ADAMTS2: variants seen among roughly 807,000 people sequenced by gnomAD.
The protein encoded by ADAMTS2 is ADAM metallopeptidase with thrombospondin type 1 motif 2, also known as A disintegrin and metalloproteinase with thrombospondin motifs 2.
Under a neutral mutation model 123.0 loss-of-function variants are expected in ADAMTS2, and 50 were observed. The observed-to-expected ratio is 0.41, with a 90% CI of 0.32 to 0.51. ADAMTS2 has a LOEUF of 0.51. ADAMTS2 is among the 20% of genes least tolerant of loss of function. The pLI is 0.35. For missense variants in ADAMTS2, 1,494 were observed against 1,705.2 expected, an observed-to-expected ratio of 0.88 and a Z score of 2.18; for synonymous variants, 678 against 695.4, an observed-to-expected ratio of 0.98 and a Z score of 0.39.
chr5:179,160,446 G>A (rs574769542), intron 5 of ADAMTS2, among the ~76,000 whole-genome samples: 29 of 152,286 alleles, frequency 1.9e-4, no homozygotes, highest in Admixed American at 1.2e-3. Context: ...GTGAGACTCC[G>A]TCTCAAAACA....
At chr5:179,328,286 C>G (rs1312349030) in intron 2 of ADAMTS2, among the ~76,000 whole-genome samples, 1 of 152,256 alleles carries the variant, frequency 6.6e-6, no homozygotes, top group Non-Finnish European at 1.5e-5. Flanking sequence ...CCCGCCTCGG[C>G]CTCCCAAAGT....
intron 3 of ADAMTS2, among the ~76,000 whole-genome samples, chr5:179,211,773 G>A (rs111565332): frequency 9.8e-5 from 15 of 152,320 alleles, no homozygotes; most frequent in African/African-American, 3.6e-4. Flanking sequence ...ACGTGGGCAA[G>A]GGCTGCAACT....
chr5:179,331,306 G>A (rs1342632245), intron 2 of ADAMTS2, among the ~76,000 whole-genome samples: 2 of 139,012 alleles, frequency 1.4e-5, no homozygotes, highest in Non-Finnish European at 3.1e-5. Flanking sequence ...GGGAAAAAGG[G>A]GAGATGAGGG....
intron 2 of ADAMTS2, among the ~76,000 whole-genome samples, chr5:179,337,780 C>A (rs922034699): frequency 2.0e-5 from 3 of 152,248 alleles, no homozygotes; most frequent in East Asian, 1.9e-4. Context: ...CTGGCTGATT[C>A]CCTTACTCAC....
chr5:179,221,023 C>T (rs1218470588), intron 3 of ADAMTS2, among the ~76,000 whole-genome samples: 1 of 152,192 alleles, frequency 6.6e-6, no homozygotes, highest in East Asian at 1.9e-4. Context: ...GGTCAGGAGT[C>T]CAGGCACACA....
chr5:179,279,619 C>A (rs1033915944), intron 2 of ADAMTS2, among the ~76,000 whole-genome samples: 3 of 152,216 alleles, frequency 2.0e-5, no homozygotes, highest in Non-Finnish European at 4.4e-5. Flanking sequence ...CCTCTCCCAG[C>A]TCCCCAGGGA....
In ADAMTS2 at chr5:179,225,936, C is replaced by A. The variant is rs769617295; in HGVS notation, c.689-18221G>T. ...GTTAACACAAGCCGCCTACAGACAG[C>A]TAAAGTAAAAGAGCACATGCAGCAC... On this transcript the variant is annotated intron_variant, in intron 3 of 21. Coordinates refer to ENST00000251582, the MANE Select transcript of ADAMTS2 (RefSeq NM_014244.5). This position sits in a 1 kb window ranked among gnomAD's most constrained non-coding sequence, Gnocchi z 4.5. Among the ~76,000 whole-genome samples the A allele has an allele frequency of 3.9e-5, 6 of 152,178 alleles. No homozygotes were observed. Among genetic ancestry groups the A allele is most frequent in the Non-Finnish European group, 7.3e-5 (5 of 68,032 alleles).
intron 4 of ADAMTS2, among the ~76,000 whole-genome samples, chr5:179,195,602 G>T (rs1764407752): frequency 6.6e-6 from 1 of 152,226 alleles, no homozygotes; most frequent in Admixed American, 6.5e-5. Flanking sequence ...CTGCAGGGGG[G>T]CGTGGCCTCT....
chr5:179,255,532 T>C (rs1766026565), intron 3 of ADAMTS2, among the ~76,000 whole-genome samples: 1 of 152,168 alleles, frequency 6.6e-6, no homozygotes, highest in African/African-American at 2.4e-5. Flanking sequence ...CTCATCCCCA[T>C]CTTCCCTCTC....
chr5:179,272,335 C>T lies in ADAMTS2; in HGVS notation c.688+576G>A, dbSNP rs1766559980. ...CGCCCATGAGTCTGTGCAGAGACTG[C>T]TGAGGCTGCTGGGAGCACCTCCAGA... On this transcript the variant is annotated intron_variant, in intron 3 of 21. Transcript: ENST00000251582. This position sits in a 1 kb window ranked among gnomAD's most constrained non-coding sequence, Gnocchi z 5.8. 6.6e-6 allele frequency among the ~76,000 whole-genome samples: 1 copy of T among 152,206 alleles called. No individual in the cohort carries two copies. The highest frequency in any genetic ancestry group is 1.5e-5 in the Non-Finnish European group (1 of 68,026).
intron 2 of ADAMTS2, among the ~76,000 whole-genome samples, chr5:179,301,132 C>T (rs7719240): frequency 1.3e-5 from 2 of 149,948 alleles, no homozygotes; most frequent in African/African-American, 2.5e-5. Flanking sequence ...TCTGGAGGCT[C>T]TGCTCGCTCC....
chr5:179,192,742 C>G (rs1158037539), intron 4 of ADAMTS2, among the ~76,000 whole-genome samples: 2 of 152,236 alleles, frequency 1.3e-5, no homozygotes, highest in East Asian at 3.9e-4. Flanking sequence ...TTTCCTCACT[C>G]TGTGAACATT....
chr5:179,284,522 G>A (rs1484905829), intron 2 of ADAMTS2, among the ~76,000 whole-genome samples: 2 of 151,986 alleles, frequency 1.3e-5, no homozygotes, highest in Non-Finnish European at 2.9e-5. Context: ...AAGTAGCTGG[G>A]ATTACAGGTG....
rs145464075 is a variant in ADAMTS2 at position 179,311,121 on chromosome 5, T to C, written c.534+32646A>G. On this transcript the variant is annotated intron_variant, in intron 2 of 21. Transcript: ENST00000251582. The stretch of plus-strand genomic sequence containing the variant: ...AACCATTTTTCCAGACAGCATTATA[T>C]AAGGGGAGGATGCGTATGTTCAGCA... 4.1e-3 allele frequency among the ~76,000 whole-genome samples: 604 copies of C among 147,088 alleles called. 4 individuals are homozygous for C. Among genetic ancestry groups the C allele is most frequent in the African/African-American group, 0.014 (578 of 39,922 alleles).
At chr5:179,116,260 A>ACCCCCCCCCCCCC (rs146306326) in intron 21 of ADAMTS2, among the ~76,000 whole-genome samples, 169 of 93,828 alleles carry the variant, frequency 1.8e-3, no homozygotes, top group African/African-American at 2.2e-3. Context: ...TGACCACGGC[A>ACCCCCCCCCCCCC]CCCCCCCCCC....
chr5:179,272,865 C>A lies in ADAMTS2; in HGVS notation c.688+46G>T. 6.3e-7 allele frequency: 1 copy of A among 1,593,192 alleles called. No homozygotes were observed. The highest frequency in any genetic ancestry group is 8.5e-7 in the Non-Finnish European group (1 of 1,174,056). On this transcript the variant is annotated intron_variant, in intron 3 of 21. Transcript: ENST00000251582. This position sits in a 1 kb window ranked among gnomAD's most constrained non-coding sequence, Gnocchi z 5.8. ...TGGGATGCTCCCCTGGGGACCAGGGCCTCAGAGGGCTCTCCACACAGCCTG... is the reference window on the plus strand; with the variant it reads ...TGGGATGCTCCCCTGGGGACCAGGGACTCAGAGGGCTCTCCACACAGCCTG...
intron 2 of ADAMTS2, among the ~76,000 whole-genome samples, chr5:179,295,395 G>A (rs1219386924): frequency 6.6e-6 from 1 of 152,146 alleles, no homozygotes; most frequent in African/African-American, 2.4e-5. Flanking sequence ...TATTTCTCCC[G>A]CTGTGGTGGC....
intron 4 of ADAMTS2, among the ~76,000 whole-genome samples, chr5:179,201,631 CAAAAA>C (rs58141791): frequency 2.9e-4 from 27 of 91,898 alleles, no homozygotes; most frequent in South Asian, 1.3e-3. Flanking sequence ...ACTAAAAATA[CAAAAA>C]AAAAAAAAAA....
rs1474896786 is a variant in ADAMTS2 at position 179,155,053 on chromosome 5, G to A, written c.1133-134C>T. The A allele has an allele frequency of 1.3e-6, 1 of 792,202 alleles. No homozygotes were observed. Among genetic ancestry groups the A allele is most frequent in the Admixed American group, 2.0e-5 (1 of 49,784 alleles). The allele number at this position is 792,202 out of a possible 1,614,324, so 49.1% of individuals were successfully genotyped here. A position where few individuals can be genotyped will look rare whatever the true frequency, so the allele number is the denominator to read the frequency against. ...CTACCACAGGCAACTGCCCCCGGCT[G>A]GCACAGCTCAGAAGACACCACAGCA... On this transcript the variant is annotated intron_variant, in intron 6 of 21. Coordinates refer to ENST00000251582, the MANE Select transcript of ADAMTS2 (RefSeq NM_014244.5). This position sits in a 1 kb window ranked among gnomAD's most constrained non-coding sequence, Gnocchi z 5.1.
Sources: gnomAD v4.1 joint callset for allele counts (sites outside exome capture counted in the v4.1 genomes callset) on GRCh38, gnomAD v4.1.1 for gene constraint, Gnocchi (gnomAD v3.1) non-coding constraint, MANE v1.5 for transcripts, NCBI Gene and HGNC (gene_info 2026-07-23, HGNC 2026-07-21) for gene names.